The following GSG1L variants were observed in gnomAD, a reference collection of about 807,000 sequenced individuals.
The protein encoded by GSG1L is germ cell-specific gene 1-like protein.
GSG1L carries 24 observed loss-of-function variants against 42.1 expected under a neutral mutation model. That is an observed-to-expected ratio of 0.57 (90% CI 0.41 to 0.80). GSG1L has a LOEUF of 0.80. Ranked by LOEUF, GSG1L falls within the 30% of genes least tolerant of loss-of-function variation. GSG1L has a pLI of 0.00. For missense variants in GSG1L, 445 were observed against 472.2 expected, an observed-to-expected ratio of 0.94 and a Z score of 0.53; for synonymous variants, 215 against 203.5, an observed-to-expected ratio of 1.06 and a Z score of -0.48.
intron 2 of GSG1L, among the ~76,000 whole-genome samples, chr16:27,916,463 C>G (rs1039858832): frequency 6.0e-5 from 9 of 150,694 alleles, no homozygotes; most frequent in Admixed American, 2.7e-4. Flanking sequence ...TGCAAACCAC[C>G]ATGCCAGCTA....
intron 1 of GSG1L, among the ~76,000 whole-genome samples, chr16:28,019,704 CCA>C (rs1317607645): frequency 2.0e-5 from 3 of 152,210 alleles, no homozygotes; most frequent in Non-Finnish European, 2.9e-5. Context: ...CATCAATCGT[CCA>C]AAGGGTCACT....
Position 27,884,530 on chromosome 16 carries a change from C to T in GSG1L, c.506G>A (p.Gly169Glu). ...AGCCGCGAAGGCATTGAGCTTGAGC[C>T]CGTCGATGACATTGCTGGAGTGGAA... ...ELFHSSNVID[G>E]LKLNAFAAVF... is the part of the protein sequence containing the mutation. The change falls in exon 3 of 7, where the codon GGG (glycine) becomes GAG (glutamate). Residue 169 changes from glycine (G) to glutamate (E), a missense_variant. By Grantham distance (98) the Gly-to-Glu change is moderately conservative (BLOSUM62 -2). Transcript: ENST00000447459. This position sits in a 1 kb window ranked among gnomAD's most constrained non-coding sequence, Gnocchi z 4.4. The T allele has an allele frequency of 6.2e-7, 1 of 1,613,912 alleles. No individual in the cohort carries two copies. The highest frequency in any genetic ancestry group is 8.5e-7 in the Non-Finnish European group (1 of 1,179,930).
At position 28,040,065 on chromosome 16, in the gene GSG1L, T is replaced by C. The variant is rs1398897916; in HGVS notation, c.349+23011A>G. On this transcript the variant is annotated intron_variant, in intron 1 of 6. Coordinates refer to ENST00000447459, the MANE Select transcript of GSG1L (RefSeq NM_001109763.2). The surrounding 1 kb of genome is among the most constrained non-coding windows in gnomAD (Gnocchi z 4.1). ...TCTCCTTCCCCTGCTGGCCTCATCA[T>C]AGTCCTGTCCTTTCTTCCTGCAAAA... 6.6e-6 allele frequency among the ~76,000 whole-genome samples: 1 copy of C among 152,124 alleles called. No individual in the cohort carries two copies. Among genetic ancestry groups the C allele is most frequent in the African/African-American group, 2.4e-5 (1 of 41,420 alleles).
Position 28,063,150 on chromosome 16 carries a change from C to T in GSG1L, c.275G>A (p.Gly92Asp). The change falls in exon 1 of 7, where the codon GGC (glycine) becomes GAC (aspartate). Residue 92 changes from glycine to aspartate, a missense_variant. By Grantham distance (94) the Gly-to-Asp change is moderately conservative. Around this residue, in one of 3 missense-constraint regions of GSG1L, gnomAD observed 149 missense variants for 223.3 expected, o/e 0.67. Coordinates refer to ENST00000447459, the MANE Select transcript of GSG1L (RefSeq NM_001109763.2). This position sits in a 1 kb window ranked among gnomAD's most constrained non-coding sequence, Gnocchi z 5.8. ...ATTCCTGAAGAGGAAGCGGTCGTCG[C>T]CGGTCTCCCAGCTGTAGAGCGCGCC... Reference protein sequence around the residue: ...PGGALYSWETGDDRFLFRNFH... With the variant: ...PGGALYSWETDDDRFLFRNFH... 7.0e-7 allele frequency: 1 copy of T among 1,425,580 alleles called. No individual in the cohort carries two copies. The highest frequency in any genetic ancestry group is 9.2e-7 in the Non-Finnish European group (1 of 1,083,446). 88.3% of individuals were successfully genotyped at this position (1,425,580 alleles called of 1,614,324 possible). A position where few individuals can be genotyped will look rare whatever the true frequency, so the allele number is the denominator to read the frequency against.
chr16:27,883,741 T>G (rs116277501), intron 3 of GSG1L, among the ~76,000 whole-genome samples: 1,829 of 152,306 alleles, frequency 0.012, 41 homozygotes, highest in African/African-American at 0.041. Context: ...TTTATAGGCT[T>G]CCTTTATTCC....
chr16:27,948,497 C>T (rs564016784), intron 2 of GSG1L, among the ~76,000 whole-genome samples: 1 of 152,228 alleles, frequency 6.6e-6, no homozygotes, highest in East Asian at 1.9e-4. Context: ...CCTTGGCCTC[C>T]CAAGTGGCTG....
intron 1 of GSG1L, among the ~76,000 whole-genome samples, chr16:28,030,985 C>T (rs558380328): frequency 2.7e-4 from 18 of 66,310 alleles, no homozygotes; most frequent in African/African-American, 9.4e-4. Context: ...GGATGGGTTG[C>T]GATGGAATGG....
At chr16:27,882,946 A>T (rs1217568071) in intron 3 of GSG1L, among the ~76,000 whole-genome samples, 1 of 152,092 alleles carries the variant, frequency 6.6e-6, no homozygotes, top group Non-Finnish European at 1.5e-5. Context: ...TCTCTAAAAA[A>T]AATTTTTTTT....
chr16:27,920,141 C>G (rs1245538184), intron 2 of GSG1L, among the ~76,000 whole-genome samples: 3 of 152,230 alleles, frequency 2.0e-5, no homozygotes, highest in Non-Finnish European at 2.9e-5. Flanking sequence ...AAAGTATTCC[C>G]AAGCTCTGAA....
chr16:27,913,845 T>A (rs28542857), intron 2 of GSG1L, among the ~76,000 whole-genome samples: 10 of 147,478 alleles, frequency 6.8e-5, no homozygotes, highest in African/African-American at 1.9e-4. Flanking sequence ...TATTTTAAAA[T>A]TTTTTTCTAC....
chr16:27,993,791 A>G (rs2085480500), intron 1 of GSG1L, among the ~76,000 whole-genome samples: 1 of 152,208 alleles, frequency 6.6e-6, no homozygotes, highest in South Asian at 2.1e-4. Flanking sequence ...GAAAGGCTAC[A>G]CAGATGACTT....
intron 1 of GSG1L, among the ~76,000 whole-genome samples, chr16:27,999,879 G>C (rs1402438568): frequency 3.3e-5 from 5 of 152,152 alleles, no homozygotes; most frequent in East Asian, 1.9e-4. Flanking sequence ...GTCCACCTCA[G>C]CCCACCACTT....
rs953245360 is a variant in GSG1L, at chr16:27,791,071, T to C, written c.*299A>G. 1.9e-5 allele frequency: 5 copies of C among 269,350 alleles called. No homozygotes were observed. The highest frequency in any genetic ancestry group is 1.0e-3 in the Middle Eastern group (1 of 988). 16.7% of individuals were successfully genotyped at this position (269,350 alleles called of 1,614,324 possible). ...AGCCATTCAGTGGCCAGTGGCCATG[T>C]GTCTCCTGGCATCGCAGCTGTGCCC... is the stretch of plus-strand genomic sequence containing the variant. On this transcript the variant is annotated 3_prime_UTR_variant, in exon 7 of 7. Transcript: ENST00000447459.
In GSG1L at chr16:28,058,060, G is replaced by GT. The variant is rs1273166695; in HGVS notation, c.349+5015dup. On this transcript the variant is annotated intron_variant, in intron 1 of 6. Coordinates refer to ENST00000447459, the MANE Select transcript of GSG1L (RefSeq NM_001109763.2). ...AAGCCTGGAGCCAAACCCGGGGCTC[G>GT]TGACTCCAGATGCAGTGCTCCGCCC... is the stretch of plus-strand genomic sequence containing the variant. Among the ~76,000 whole-genome samples the GT allele has an allele frequency of 2.6e-5, 4 of 152,230 alleles. No homozygotes were observed. The East Asian group carries it at 7.7e-4, about 29-fold the overall frequency.
chr16:28,002,712 G>C (rs1421385195), intron 1 of GSG1L, among the ~76,000 whole-genome samples: 2 of 151,822 alleles, frequency 1.3e-5, no homozygotes, highest in Admixed American at 1.3e-4. Flanking sequence ...GGGAGGACCA[G>C]AAGGTCAGGA....
chr16:27,865,572 TACACACACAC>T (rs369021478), intron 3 of GSG1L, among the ~76,000 whole-genome samples: 9 of 21,520 alleles, frequency 4.2e-4, no homozygotes, highest in Non-Finnish European at 6.5e-4. Flanking sequence ...TATATATATA[TACACACACAC>T]ATACATACAT....
intron 2 of GSG1L, among the ~76,000 whole-genome samples, chr16:27,891,601 T>C (rs1227737561): frequency 6.6e-6 from 1 of 152,074 alleles, no homozygotes; most frequent in Non-Finnish European, 1.5e-5. Flanking sequence ...TCTTCCCAAG[T>C]AGCTGGAACT....
intron 1 of GSG1L, among the ~76,000 whole-genome samples, chr16:28,047,636 A>AAAGC (rs1178824426): frequency 2.0e-5 from 3 of 152,218 alleles, no homozygotes; most frequent in Non-Finnish European, 4.4e-5. Context: ...CAAACGAAAG[A>AAAGC]AAGCAGGGAT....
intron 6 of GSG1L, among the ~76,000 whole-genome samples, chr16:27,798,192 A>T (rs931924259): frequency 3.3e-5 from 5 of 152,300 alleles, no homozygotes; most frequent in Admixed American, 3.3e-4. Flanking sequence ...TAAAACATTT[A>T]AAAACACAAA....
Sources: gnomAD v4.1 joint callset for allele counts (sites outside exome capture counted in the v4.1 genomes callset) on GRCh38, gnomAD v4.1.1 for gene constraint, gnomAD v4.1.1 regional missense constraint, Gnocchi (gnomAD v3.1) non-coding constraint, MANE v1.5 for transcripts, NCBI Gene and HGNC (gene_info 2026-07-23, HGNC 2026-07-21) for gene names.